The following CEP41 variants were observed in gnomAD, a reference collection of about 807,000 sequenced individuals.
CEP41 encodes centrosomal protein 41, also known as centrosomal protein of 41 kDa.
In CEP41, 32 loss-of-function variants were observed where a neutral mutation model predicts 44.3. That is an observed-to-expected ratio of 0.72 (90% CI 0.54 to 0.97). CEP41 has a LOEUF of 0.97. Among genes scored for constraint, CEP41 ranks in the 50% least tolerant of loss-of-function variants. The probability of loss-of-function intolerance (pLI) is 0.00; values close to 1 mark genes in which losing one functional copy is unlikely to be tolerated. For missense variants in CEP41, 432 were observed against 455.2 expected (o/e 0.95, Z 0.46); for synonymous variants, 151 against 168.5 (o/e 0.90, Z 0.80).
At chr7:130,439,242 T>C (rs1300236675) in intron 1 of CEP41, among the ~76,000 whole-genome samples, 2 of 152,204 alleles carry the variant, frequency 1.3e-5, no homozygotes, top group African/African-American at 2.4e-5. Flanking sequence ...TTCCTCCAGC[T>C]TACTTTAAGA....
intron 5 of CEP41, among the ~76,000 whole-genome samples, chr7:130,407,023 C>T (rs1797032635): frequency 6.6e-6 from 1 of 151,586 alleles, no homozygotes; most frequent in Non-Finnish European, 1.5e-5. Context: ...TGATCCTAAA[C>T]TGAATGTAAA....
At chr7:130,440,751 C>T in intron 1 of CEP41, 183 bp downstream of exon 1, 1 of 691,902 alleles carries the variant, frequency 1.4e-6, no homozygotes, top group Non-Finnish European at 2.5e-6. Flanking sequence ...AAAACGGGGT[C>T]CTGAACGCTG....
intron 1 of CEP41, 136 bp downstream of exon 1, chr7:130,440,775 AAGCCCGGCCCGCCCCGCCCCTGC>A: frequency 1.9e-6 from 1 of 533,396 alleles, no homozygotes; most frequent in Non-Finnish European, 3.4e-6. Flanking sequence ...CGCGGCCCCC[AAGCCCGGCCCGCCCCGCCCCTGC>A]ATCCCGACCC....
upstream of CEP41, chr7:130,441,151 G>T (rs782051898): frequency 4.1e-6 from 3 of 723,892 alleles, no homozygotes; most frequent in Non-Finnish European, 7.4e-6. Flanking sequence ...AGGGCAAGAC[G>T]CCGCTCAATG....
intron 5 of CEP41, among the ~76,000 whole-genome samples, chr7:130,410,023 G>C (rs1454600499): frequency 1.4e-5 from 1 of 72,158 alleles, no homozygotes; most frequent in African/African-American, 5.8e-5. Flanking sequence ...AGCCTACCTC[G>C]GTCTTCTTTT....
At chr7:130,426,378 G>A (rs1179762839) in intron 2 of CEP41, among the ~76,000 whole-genome samples, 1 of 150,862 alleles carries the variant, frequency 6.6e-6, no homozygotes, top group African/African-American at 2.4e-5. Context: ...GTTATGAATT[G>A]AGAAATTAAA....
At chr7:130,399,929 C>T in intron 10 of CEP41, 110 bp downstream of exon 10, 1 of 872,194 alleles carries the variant, frequency 1.1e-6, no homozygotes, top group Non-Finnish European at 1.9e-6. Context: ...CTGTAACATA[C>T]CTCCCTAGTA....
intron 7 of CEP41, among the ~76,000 whole-genome samples, chr7:130,402,153 G>A (rs1796863809): frequency 6.6e-6 from 1 of 152,024 alleles, no homozygotes; most frequent in Non-Finnish European, 1.5e-5. Context: ...AGACCAGCCC[G>A]GGCAACATGG....
At chr7:130,411,080 T>C (rs782607969) in intron 5 of CEP41, 42 bp downstream of exon 5, 6 of 1,550,676 alleles carry the variant, frequency 3.9e-6, no homozygotes, top group East Asian at 2.2e-5. Context: ...TTCAGTCAAA[T>C]GGTCAGCCTG....
Position 130,399,977 on chromosome 7 carries a change from A to G in CEP41, c.973+62T>C, listed in dbSNP as rs1207985741. 10 of 1,091,266 alleles carry G rather than the reference A, an allele frequency of 9.2e-6. No homozygotes were observed. The African/African-American group carries it at 1.5e-4, about 17-fold the overall frequency. 67.6% of individuals were successfully genotyped at this position (1,091,266 alleles called of 1,614,324 possible). Reference sequence around the variant, plus strand: ...AAATATAAGAGATGAAGGTTTTCATATGATGAGGTGATATTCAAAGCTGCA... The same window carrying G: ...AAATATAAGAGATGAAGGTTTTCATGTGATGAGGTGATATTCAAAGCTGCA... On this transcript the variant is annotated intron_variant, in intron 10 of 10. Transcript: ENST00000223208.
chr7:130,412,512 T>C (rs1201609446), intron 3 of CEP41, among the ~76,000 whole-genome samples: 1 of 152,252 alleles, frequency 6.6e-6, no homozygotes, highest in Admixed American at 6.5e-5. Context: ...TTTATTAGTC[T>C]ACCATTTTCC....
intron 1 of CEP41, among the ~76,000 whole-genome samples, chr7:130,435,138 C>G (rs1797925450): frequency 6.6e-6 from 1 of 152,102 alleles, no homozygotes; most frequent in Non-Finnish European, 1.5e-5. Flanking sequence ...AAATAAAACT[C>G]TTATATTTCT....
chr7:130,428,346 C>A (rs548310225), intron 1 of CEP41, among the ~76,000 whole-genome samples: 2 of 149,904 alleles, frequency 1.3e-5, no homozygotes, highest in Admixed American at 6.7e-5. Flanking sequence ...ATCGCTTGAT[C>A]CCGGGAGGCA....
chr7:130,410,094 C>T (rs1797134164), intron 5 of CEP41, among the ~76,000 whole-genome samples: 1 of 145,972 alleles, frequency 6.9e-6, no homozygotes, highest in Non-Finnish European at 1.5e-5. Context: ...GGCGTAGTCT[C>T]AGCTCACTGC....
intron 5 of CEP41, among the ~76,000 whole-genome samples, chr7:130,407,961 C>T (rs1797063924): frequency 6.6e-6 from 1 of 151,944 alleles, no homozygotes; most frequent in Non-Finnish European, 1.5e-5. Context: ...AAAAAATTAG[C>T]TCTTTAATAT....
At chr7:130,403,776 G>C (rs1313989073) in intron 6 of CEP41, among the ~76,000 whole-genome samples, 1 of 152,180 alleles carries the variant, frequency 6.6e-6, no homozygotes, top group Non-Finnish European at 1.5e-5. Context: ...ATAAGAAACT[G>C]CATCCTCAGT....
At chr7:130,441,579 A>G (rs1554428067), upstream of CEP41, among the ~76,000 whole-genome samples, 1 of 152,264 alleles carries the variant, frequency 6.6e-6, no homozygotes, top group Non-Finnish European at 1.5e-5. Context: ...TAGGCTAGCT[A>G]TAGAGCGACA....
chr7:130,412,139 TAGAC>T lies in CEP41; in HGVS notation c.207+36_207+39del, dbSNP rs782726516. On this transcript the variant is annotated intron_variant, in intron 4 of 10. Transcript: ENST00000223208. ...TAGAAATACATAAAGTGGCACAAAT[TAGAC>T]AGACTTTACTCCAGTGGAAAAATCA... 3.6e-6 allele frequency: 4 copies of T among 1,105,122 alleles called. No individual in the cohort carries two copies. In the South Asian group the frequency reaches 5.0e-5, roughly 14 times the overall value. 68.5% of individuals were successfully genotyped at this position (1,105,122 alleles called of 1,614,324 possible). A position where few individuals can be genotyped will look rare whatever the true frequency, so the allele number is the denominator to read the frequency against.
intron 1 of CEP41, among the ~76,000 whole-genome samples, chr7:130,430,704 A>G (rs1797799100): frequency 6.6e-6 from 1 of 152,136 alleles, no homozygotes; most frequent in South Asian, 2.1e-4. Flanking sequence ...AAGTAACGCT[A>G]ATACTACATT....
Sources: gnomAD v4.1 joint callset for allele counts (sites outside exome capture counted in the v4.1 genomes callset) on GRCh38, gnomAD v4.1.1 for gene constraint, MANE v1.5 for transcripts, NCBI Gene and HGNC (gene_info 2026-07-23, HGNC 2026-07-21) for gene names.